ARID4B: variants seen among roughly 807,000 people sequenced by gnomAD.
ARID4B encodes AT-rich interaction domain 4B.
ARID4B carries 26 observed loss-of-function variants against 147.5 expected under a neutral mutation model. That is an observed-to-expected ratio of 0.18 (90% CI 0.13 to 0.24). ARID4B has a LOEUF of 0.24. Ranked by LOEUF, ARID4B falls within the 10% of genes least tolerant of loss-of-function variation. The pLI, the probability that ARID4B is intolerant of heterozygous loss-of-function variation, is 1.00. For synonymous variants in ARID4B, 512 were observed against 507.9 expected, an observed-to-expected ratio of 1.01 and a Z score of -0.11; for missense variants, 1,179 against 1,511.5, an observed-to-expected ratio of 0.78 and a Z score of 3.65.
At chr1:235,216,310 T>TAC (rs71576467) in intron 16 of ARID4B, among the ~76,000 whole-genome samples, 7,931 of 149,264 alleles carry the variant, frequency 0.053, 396 homozygotes, top group African/African-American at 0.13. Context: ...TATATATGTA[T>TAC]ACACACACAC....
chr1:235,248,956 T>C (rs775942866), intron 6 of ARID4B, among the ~76,000 whole-genome samples: 7 of 152,194 alleles, frequency 4.6e-5, no homozygotes, highest in Non-Finnish European at 8.8e-5. Context: ...TTACCTAAAA[T>C]GGGCTGCAGA....
In ARID4B at chr1:235,236,833, A is replaced by ATATATATATATATATATATATATGTGTAT. The variant is rs1668597409; in HGVS notation, c.586-2342_586-2341insATACACATATATATATATATATATATATA. On this transcript the variant is annotated intron_variant, in intron 8 of 23. Transcript: ENST00000264183. ...TGGCCCACAAAACGGTTTTATAAAA[A>ATATATATATATATATATATATATGTGTAT]ATATATATATATATATATATATATA... Among the ~76,000 whole-genome samples the ATATATATATATATATATATATATGTGTAT allele has an allele frequency of 9.2e-4, 31 of 33,522 alleles. 4 individuals are homozygous for ATATATATATATATATATATATATGTGTAT. Among genetic ancestry groups the ATATATATATATATATATATATATGTGTAT allele is most frequent in the East Asian group, 6.0e-3 (4 of 670 alleles). 22.0% of individuals were successfully genotyped at this position (33,522 alleles called of 152,430 possible). A position where few individuals can be genotyped will look rare whatever the true frequency, so the allele number is the denominator to read the frequency against.
At chr1:235,198,596 C>A (rs1665661594) in intron 17 of ARID4B, among the ~76,000 whole-genome samples, 5 of 152,170 alleles carry the variant, frequency 3.3e-5, no homozygotes, top group Admixed American at 3.3e-4. Flanking sequence ...ATATGGTAAT[C>A]ATGTTCTCTT....
In ARID4B at chr1:235,168,438, T is replaced by G. The variant is rs1663089919; in HGVS notation, c.*87A>C. On this transcript the variant is annotated 3_prime_UTR_variant, in exon 24 of 24. Coordinates refer to ENST00000264183, the MANE Select transcript of ARID4B (RefSeq NM_016374.6). ...TTTTAAATATAAAATAGTGCTTGTCTGATATTTTTTTGTGCCACTGTGCAG... is the reference window on the plus strand; with the variant it reads ...TTTTAAATATAAAATAGTGCTTGTCGGATATTTTTTTGTGCCACTGTGCAG... 6 of 1,415,392 alleles carry G rather than the reference T, an allele frequency of 4.2e-6. No individual in the cohort carries two copies. The South Asian group carries it at 9.3e-5, about 22-fold the overall frequency. 87.7% of individuals were successfully genotyped at this position (1,415,392 alleles called of 1,614,324 possible).
intron 2 of ARID4B, among the ~76,000 whole-genome samples, chr1:235,266,192 G>A (rs1272185630): frequency 6.6e-6 from 1 of 152,106 alleles, no homozygotes; most frequent in Admixed American, 6.5e-5. Flanking sequence ...TACCAAGATT[G>A]CACCAGTATT....
chr1:235,242,448 T>C (rs1424515453), intron 7 of ARID4B, among the ~76,000 whole-genome samples: 1 of 151,886 alleles, frequency 6.6e-6, no homozygotes, highest in Non-Finnish European at 1.5e-5. Context: ...AGCTTAAGAG[T>C]AGTGACTTTT....
intron 10 of ARID4B, among the ~76,000 whole-genome samples, chr1:235,230,437 AAAAC>A (rs144309035): frequency 0.13 from 19,759 of 150,950 alleles, 1,492 homozygotes; most frequent in African/African-American, 0.2. Context: ...AAAACAAAAC[AAAAC>A]AAAAAAAACA....
intron 3 of ARID4B, among the ~76,000 whole-genome samples, chr1:235,259,082 A>G (rs1225749300): frequency 2.0e-5 from 3 of 152,252 alleles, no homozygotes; most frequent in African/African-American, 7.2e-5. Flanking sequence ...CCTCCACAGA[A>G]ACAAATTTTT....
rs944043013 is a variant in ARID4B, at chr1:235,219,670, CCAAT to C, written c.1583+119_1583+122del. 9.6e-6 allele frequency: 7 copies of C among 730,330 alleles called. No individual in the cohort carries two copies. In the African/African-American group the frequency reaches 1.1e-4, roughly 12 times the overall value. 45.2% of individuals were successfully genotyped at this position (730,330 alleles called of 1,614,324 possible). A position where few individuals can be genotyped will look rare whatever the true frequency, so the allele number is the denominator to read the frequency against. The stretch of plus-strand genomic sequence containing the variant: ...GTGAATGCTATTTAATTAATAAATG[CCAAT>C]CACTCTATTATTTAATATTTTGTCA... On this transcript the variant is annotated intron_variant, in intron 16 of 23. Coordinates refer to ENST00000264183, the MANE Select transcript of ARID4B (RefSeq NM_016374.6).
Position 235,260,550 on chromosome 1 carries a change from A to G in ARID4B, c.117+92T>C, listed in dbSNP as rs1301617709. The stretch of plus-strand genomic sequence containing the variant: ...TTACAACCTTCACTCCTAGAAACTT[A>G]TTTTGCAGAAAAATCTTAAATACAC... On this transcript the variant is annotated intron_variant, in intron 3 of 23. Transcript: ENST00000264183. 6 of 915,292 alleles carry G rather than the reference A, an allele frequency of 6.6e-6. No homozygotes were observed. The East Asian group carries it at 1.7e-4, about 25-fold the overall frequency. 56.7% of individuals were successfully genotyped at this position (915,292 alleles called of 1,614,324 possible).
intron 10 of ARID4B, among the ~76,000 whole-genome samples, chr1:235,230,608 A>AAC (rs1378134741): frequency 2.3e-5 from 3 of 131,884 alleles, no homozygotes; most frequent in Non-Finnish European, 4.9e-5. Flanking sequence ...AAAAAAAAAA[A>AAC]AAAAAAAACC....
intron 8 of ARID4B, among the ~76,000 whole-genome samples, chr1:235,238,196 A>G (rs142844342): frequency 1.8e-4 from 27 of 152,012 alleles, no homozygotes; most frequent in African/African-American, 6.3e-4. Flanking sequence ...TTTATTAATC[A>G]TGAGAACAAA....
chr1:235,281,273 G>A (rs947715394), intron 2 of ARID4B, among the ~76,000 whole-genome samples: 8 of 151,882 alleles, frequency 5.3e-5, no homozygotes, highest in African/African-American at 1.7e-4. Context: ...AATAAAGGCC[G>A]GGCACAGTGG....
At chr1:235,301,673 C>T (rs1572192244) in intron 2 of ARID4B, among the ~76,000 whole-genome samples, 3 of 151,494 alleles carry the variant, frequency 2.0e-5, no homozygotes, top group Admixed American at 6.6e-5. Flanking sequence ...CCTCAGCTAC[C>T]GGAGTAGCTG....
At chr1:235,239,349 A>G (rs1368623841) in intron 8 of ARID4B, among the ~76,000 whole-genome samples, 1 of 152,172 alleles carries the variant, frequency 6.6e-6, no homozygotes, top group Non-Finnish European at 1.5e-5. Flanking sequence ...GATTTATCCA[A>G]TTATATGCTG....
chr1:235,236,249 C>T (rs1668545480), intron 8 of ARID4B, among the ~76,000 whole-genome samples: 1 of 152,056 alleles, frequency 6.6e-6, no homozygotes, highest in African/African-American at 2.4e-5. Flanking sequence ...TATCCATCAC[C>T]GTCCAATGGA....
intron 17 of ARID4B, among the ~76,000 whole-genome samples, chr1:235,210,105 G>C (rs1196559841): frequency 6.6e-6 from 1 of 151,928 alleles, no homozygotes; most frequent in Admixed American, 6.6e-5. Context: ...TGCACACCTA[G>C]AGTCCCACCT....
At chr1:235,223,685 A>T (rs3765797) in intron 12 of ARID4B, among the ~76,000 whole-genome samples, 35,791 of 133,178 alleles carry the variant, frequency 0.27, 5,721 homozygotes, top group South Asian at 0.5. Flanking sequence ...GTAAAGCTAC[A>T]TTTTTTTTTT....
At chr1:235,315,665 G>A (rs1456512219) in intron 2 of ARID4B, among the ~76,000 whole-genome samples, 19 of 151,962 alleles carry the variant, frequency 1.3e-4, no homozygotes, top group Admixed American at 1.2e-3. Context: ...GAATTAGCCC[G>A]TTCTACCACC....
Sources: allele counts gnomAD v4.1 joint callset (sites outside exome capture counted in the v4.1 genomes callset), GRCh38; gene constraint gnomAD v4.1.1; transcripts MANE v1.5; gene names NCBI Gene and HGNC (gene_info 2026-07-23, HGNC 2026-07-21).